Variants in CR1 observed in about 807,000 individuals in gnomAD.
CR1 encodes complement receptor type 1.
CR1 carries 116 observed loss-of-function variants against 187.3 expected under a neutral mutation model. The observed-to-expected ratio is 0.62, with a 90% CI of 0.53 to 0.72. CR1 has a LOEUF of 0.72. CR1 is among the 30% of genes least tolerant of loss of function. The pLI is 0.00. For missense variants in CR1, 1,731 were observed against 2,110.7 expected, an observed-to-expected ratio of 0.82 and a Z score of 3.52; for synonymous variants, 576 against 747.1, an observed-to-expected ratio of 0.77 and a Z score of 3.73.
chr1:207,599,838 G>A (rs1023228690), intron 35 of CR1, among the ~76,000 whole-genome samples: 2 of 152,280 alleles, frequency 1.3e-5, no homozygotes, highest in Admixed American at 1.3e-4. Flanking sequence ...CTGAGATGGA[G>A]GTGGGAGTGA....
At chr1:207,566,554 C>T (rs1660504022) in intron 24 of CR1, among the ~76,000 whole-genome samples, 3 of 150,130 alleles carry the variant, frequency 2.0e-5, no homozygotes, top group South Asian at 4.2e-4. Context: ...AAATTCAATG[C>T]TATGAGACAA....
At position 207,496,158 on chromosome 1, in the gene CR1, C is replaced by T; in HGVS notation, c.-110C>T. The T allele has an allele frequency of 8.8e-6, 14 of 1,588,350 alleles. No homozygotes were observed. Among genetic ancestry groups the T allele is most frequent in the Non-Finnish European group, 1.1e-5 (13 of 1,164,296 alleles). On this transcript the variant is annotated 5_prime_UTR_variant, in exon 1 of 47. Coordinates refer to ENST00000367049, the MANE Select transcript of CR1 (RefSeq NM_000651.6). ...TCCCGGAACCCCGCAGCCCTCCCCA[C>T]ACTCTGGGCGCGGAGCACAATGATT...
chr1:207,589,570 A>G (rs1159934446), intron 35 of CR1, among the ~76,000 whole-genome samples: 1 of 152,054 alleles, frequency 6.6e-6, no homozygotes, highest in Non-Finnish European at 1.5e-5. Context: ...AAGGATCACA[A>G]CTCCTTGCCA....
intron 33 of CR1, 53 bp downstream of exon 33, chr1:207,584,929 T>C: frequency 6.2e-7 from 1 of 1,600,472 alleles, no homozygotes; most frequent in Non-Finnish European, 8.5e-7. Flanking sequence ...GTGGACCCAA[T>C]CCCTCATGTT....
intron 46 of CR1, among the ~76,000 whole-genome samples, chr1:207,638,701 G>C (rs1662890017): frequency 6.6e-6 from 1 of 152,168 alleles, no homozygotes; most frequent in Admixed American, 6.5e-5. Flanking sequence ...GCACTCCAAG[G>C]AATTGAAGAG....
intron 33 of CR1, among the ~76,000 whole-genome samples, chr1:207,585,373 T>G (rs1268746557): frequency 6.6e-6 from 1 of 152,230 alleles, no homozygotes; most frequent in Non-Finnish European, 1.5e-5. Context: ...TTGTCTTGAC[T>G]TAAAGTTTGT....
chr1:207,629,168 C>T (rs944779957), intron 45 of CR1, among the ~76,000 whole-genome samples: 1 of 152,128 alleles, frequency 6.6e-6, no homozygotes, highest in Non-Finnish European at 1.5e-5. Context: ...CTTGTTACTG[C>T]CTCGTACCCA....
chr1:207,566,045 T>A, intron 24 of CR1, 122 bp downstream of exon 24: 1 of 1,311,724 alleles, frequency 7.6e-7, no homozygotes. Context: ...TTAAAAATAG[T>A]TTATTTTAAT....
intron 46 of CR1, among the ~76,000 whole-genome samples, chr1:207,636,078 C>T (rs904676351): frequency 6.6e-6 from 1 of 151,968 alleles, no homozygotes; most frequent in Non-Finnish European, 1.5e-5. Flanking sequence ...CCCCACATTT[C>T]CCCCTTTTCG....
chr1:207,509,015 T>C (rs1659535791), intron 3 of CR1, among the ~76,000 whole-genome samples: 1 of 152,224 alleles, frequency 6.6e-6, no homozygotes, highest in East Asian at 1.9e-4. Context: ...TCAAATAAAC[T>C]CTATCCTTAA....
intron 46 of CR1, among the ~76,000 whole-genome samples, chr1:207,632,122 G>T (rs1239055791): frequency 6.6e-6 from 1 of 152,132 alleles, no homozygotes; most frequent in African/African-American, 2.4e-5. Context: ...AAATGAATTT[G>T]CAATGCCCTG....
At chr1:207,506,210 A>G (rs1230911406) in intron 2 of CR1, 127 bp downstream of exon 2, 1 of 1,112,594 alleles carries the variant, frequency 9.0e-7, no homozygotes, top group Non-Finnish European at 1.3e-6. Context: ...ACATATGAGA[A>G]TTATTCTTGT....
intron 3 of CR1, among the ~76,000 whole-genome samples, chr1:207,508,327 C>T (rs1359954268): frequency 1.3e-5 from 2 of 152,168 alleles, no homozygotes; most frequent in Admixed American, 6.5e-5. Flanking sequence ...GTAGGTTCCT[C>T]AATTGCGAAA....
intron 29 of CR1, 87 bp from the exon 30 acceptor site, chr1:207,580,153 T>C: frequency 6.5e-7 from 1 of 1,541,162 alleles, no homozygotes; most frequent in Admixed American, 1.9e-5. Flanking sequence ...GTTCTATTTC[T>C]CTACCTCTGA....
rs1660185539 is a variant in CR1 at position 207,526,749 on chromosome 1, C to T, written c.887-4C>T. On this transcript the variant is annotated splice_region_variant and splice_polypyrimidine_tract_variant and intron_variant, in intron 5 of 46. Transcript: ENST00000367049. ...TTAGCTGTACTTTGTTTCTCTCTCC[C>T]CAGTATGTCAGCCACCTCCAGATGT... The T allele has an allele frequency of 6.6e-7, 1 of 1,519,962 alleles. No individual in the cohort carries two copies. Among genetic ancestry groups the T allele is most frequent in the Non-Finnish European group, 8.7e-7 (1 of 1,144,608 alleles). 94.2% of individuals were successfully genotyped at this position (1,519,962 alleles called of 1,614,324 possible). A position where few individuals can be genotyped will look rare whatever the true frequency, so the allele number is the denominator to read the frequency against.
chr1:207,615,449 G>A lies in CR1; in HGVS notation c.6661+960G>A, dbSNP rs536970142. 2.6e-3 allele frequency among the ~76,000 whole-genome samples: 398 copies of A among 152,290 alleles called. 3 individuals carry two copies. The highest frequency in any genetic ancestry group is 4.1e-3 in the Non-Finnish European group (280 of 68,014). ...GAAGGAGCTGGGATGATGAATCAGT[G>A]TCTGAAATGATGAGGTGTCCTAAGT... On this transcript the variant is annotated intron_variant, in intron 40 of 46. Coordinates refer to ENST00000367049, the MANE Select transcript of CR1 (RefSeq NM_000651.6).
chr1:207,500,227 A>G (rs767683597), intron 1 of CR1, among the ~76,000 whole-genome samples: 1 of 152,192 alleles, frequency 6.6e-6, no homozygotes, highest in Non-Finnish European at 1.5e-5. Context: ...CATTTAAAAT[A>G]TTTATTTTAT....
chr1:207,594,338 C>G (rs928477257), intron 35 of CR1, among the ~76,000 whole-genome samples: 1 of 152,162 alleles, frequency 6.6e-6, no homozygotes, highest in East Asian at 1.9e-4. Flanking sequence ...TCATTCTCAG[C>G]AAACTAACAC....
chr1:207,590,059 C>G (rs377242972), intron 35 of CR1, among the ~76,000 whole-genome samples: 1 of 152,148 alleles, frequency 6.6e-6, no homozygotes, highest in Non-Finnish European at 1.5e-5. Flanking sequence ...AGGAGAACTG[C>G]CCCAACCTAG....
Sources: allele counts gnomAD v4.1 joint callset (sites outside exome capture counted in the v4.1 genomes callset), GRCh38; gene constraint gnomAD v4.1.1; transcripts MANE v1.5; gene names NCBI Gene and HGNC (gene_info 2026-07-23, HGNC 2026-07-21).